The following GRM2 variants were observed in gnomAD, a reference collection of about 807,000 sequenced individuals.
The protein encoded by GRM2 is metabotropic glutamate receptor 2.
GRM2 carries 35 observed loss-of-function variants against 60.4 expected under a neutral mutation model. The ratio of observed to expected loss-of-function variants is 0.58; its 90% confidence interval spans 0.44 to 0.77. GRM2 has a LOEUF of 0.77. Among genes scored for constraint, GRM2 ranks in the 30% least tolerant of loss-of-function variants. The pLI is 0.00. For missense variants in GRM2, 925 were observed against 1,199.5 expected (o/e 0.77, Z 3.38); for synonymous variants, 437 against 484.1 (o/e 0.90, Z 1.28).
chr3:51,717,582 C>T lies in GRM2; in HGVS notation c.2365-55C>T. The T allele has an allele frequency of 1.4e-6, 2 of 1,456,928 alleles. No individual in the cohort carries two copies. Among genetic ancestry groups the T allele is most frequent in the South Asian group, 1.2e-5 (1 of 83,110 alleles). 90.3% of individuals were successfully genotyped at this position (1,456,928 alleles called of 1,614,324 possible). On this transcript the variant is annotated intron_variant, in intron 4 of 5. Transcript: ENST00000395052. The surrounding 1 kb of genome is among the most constrained non-coding windows in gnomAD (Gnocchi z 6.0). Reference sequence around the variant, plus strand: ...TCCCCCACAGATCAGGCAGGGGGTCCTGGGGTCAGGCCCAGGTCTTGACCT... The same window carrying T: ...TCCCCCACAGATCAGGCAGGGGGTCTTGGGGTCAGGCCCAGGTCTTGACCT...
intron 2 of GRM2, among the ~76,000 whole-genome samples, chr3:51,710,635 G>A (rs541017849): frequency 5.9e-4 from 89 of 151,636 alleles, no homozygotes; most frequent in South Asian, 1.3e-3. Flanking sequence ...AATATGTGTC[G>A]GGGGAGGGCA....
intron 2 of GRM2, among the ~76,000 whole-genome samples, chr3:51,709,801 ACCCACC>A (rs1325865367): frequency 3.1e-5 from 3 of 97,844 alleles, no homozygotes; most frequent in Admixed American, 1.2e-4. Flanking sequence ...CACACCCCAC[ACCCACC>A]CCCACACCCA....
rs932519258 is a variant in GRM2, at chr3:51,716,884, C to T, written c.2364+747C>T. ...TGCAGAAAAATTGAGGCGAAAGCCC[C>T]GGCAAAGGCCCCTTCCCCAGGACAG... On this transcript the variant is annotated intron_variant, in intron 4 of 5. Coordinates refer to ENST00000395052, the MANE Select transcript of GRM2 (RefSeq NM_000839.5). This position sits in a 1 kb window ranked among gnomAD's most constrained non-coding sequence, Gnocchi z 4.0. Among the ~76,000 whole-genome samples, 11 of 152,302 alleles carry T rather than the reference C, an allele frequency of 7.2e-5. No individual in the cohort carries two copies. The highest frequency in any genetic ancestry group is 2.1e-4 in the South Asian group (1 of 4,828).
rs764610362 is a variant in GRM2 at position 51,709,116 on chromosome 3, G to A, written c.133G>A (p.Gly45Ser). The change falls in exon 2 of 6, where the codon GGC becomes AGC. Residue 45 changes from glycine to serine, a missense_variant. By Grantham distance (56) the Gly-to-Ser change is moderately conservative. Coordinates refer to ENST00000395052, the MANE Select transcript of GRM2 (RefSeq NM_000839.5). The part of the protein sequence containing the change: ...GGLFPVHQKG[G>S]PAEDCGPVNE... ...GCTGTTCCCAGTGCACCAGAAGGGC[G>A]GCCCAGCAGAGGACTGTGGTCCTGT... The A allele has an allele frequency of 1.9e-5, 31 of 1,611,740 alleles. No individual in the cohort carries two copies. The Admixed American group carries it at 4.8e-4, about 25-fold the overall frequency.
Position 51,713,383 on chromosome 3 carries a change from A to G in GRM2, c.1288+73A>G, listed in dbSNP as rs1372072064. ...GAGGGGAAGCAGAACTTCAGCTTCC[A>G]TTCCTTTGCTAAGGAAACAGTAGAG... On this transcript the variant is annotated intron_variant, in intron 3 of 5. Coordinates refer to ENST00000395052, the MANE Select transcript of GRM2 (RefSeq NM_000839.5). The surrounding 1 kb of genome is among the most constrained non-coding windows in gnomAD (Gnocchi z 4.8). 3.8e-6 allele frequency: 4 copies of G among 1,052,500 alleles called. No homozygotes were observed. Among genetic ancestry groups the G allele is most frequent in the East Asian group, 5.1e-5 (2 of 38,870 alleles). 65.2% of individuals were successfully genotyped at this position (1,052,500 alleles called of 1,614,324 possible).
rs1373742101 is a variant in GRM2 at position 51,713,177 on chromosome 3, G to A, written c.1155G>A (p.Val385=). The change falls in exon 3 of 6, where the codon GTG becomes GTA. Residue 385 remains valine (V), a synonymous_variant. Coordinates refer to ENST00000395052, the MANE Select transcript of GRM2 (RefSeq NM_000839.5). The surrounding 1 kb of genome is among the most constrained non-coding windows in gnomAD (Gnocchi z 4.8). ...AGATCATGTTTGTGGTCAATGCAGT[G>A]TACGCCATGGCCCATGCGCTCCACA... is the stretch of plus-strand genomic sequence containing the variant. ...ESKIMFVVNA[V]YAMAHALHNM... 1.9e-6 allele frequency: 3 copies of A among 1,613,184 alleles called. No individual in the cohort carries two copies. Among genetic ancestry groups the A allele is most frequent in the South Asian group, 2.2e-5 (2 of 91,090 alleles).
rs1203110695 is a variant in GRM2 at position 51,712,377 on chromosome 3, G to C, written c.451-96G>C. 1.2e-6 allele frequency: 1 copy of C among 806,362 alleles called. No homozygotes were observed. Among genetic ancestry groups the C allele is most frequent in the East Asian group, 2.4e-5 (1 of 41,040 alleles). The allele number at this position is 806,362 out of a possible 1,614,324, so 50.0% of individuals were successfully genotyped here. On this transcript the variant is annotated intron_variant, in intron 2 of 5. Coordinates refer to ENST00000395052, the MANE Select transcript of GRM2 (RefSeq NM_000839.5). This position sits in a 1 kb window ranked among gnomAD's most constrained non-coding sequence, Gnocchi z 5.3. ...GGGAGCCTTTAGGCCTGACCTTGTG[G>C]ACACTTGACACCAAGACCTGCTAGC...
chr3:51,715,799 C>T lies in GRM2; in HGVS notation c.2026C>T (p.Pro676Ser), dbSNP rs759925615. 6.2e-7 allele frequency: 1 copy of T among 1,613,762 alleles called. No homozygotes were observed. Among genetic ancestry groups the T allele is most frequent in the Non-Finnish European group, 8.5e-7 (1 of 1,179,962 alleles). Reference protein sequence around the residue: ...EGAQRPRFISPASQVAICLAL... With the variant: ...EGAQRPRFISSASQVAICLAL... ...TGCCCAGCGGCCACGCTTCATCAGT[C>T]CTGCCTCACAGGTGGCCATCTGCCT... The change falls in exon 4 of 6, where the codon CCT becomes TCT. Residue 676 changes from proline (P) to serine (S), a missense_variant. Transcript: ENST00000395052. This position sits in a 1 kb window ranked among gnomAD's most constrained non-coding sequence, Gnocchi z 9.0.
intron 2 of GRM2, among the ~76,000 whole-genome samples, chr3:51,709,845 A>T (rs1042305435): frequency 2.4e-5 from 1 of 41,972 alleles, no homozygotes; most frequent in Non-Finnish European, 4.5e-5. Flanking sequence ...ACACACCCTC[A>T]CACACACACA....
In GRM2 at chr3:51,709,114, G is replaced by A; in HGVS notation, c.131G>A (p.Gly44Asp). 1 of 1,611,830 alleles carries A rather than the reference G, an allele frequency of 6.2e-7. No homozygotes were observed. Among genetic ancestry groups the A allele is most frequent in the Non-Finnish European group, 8.5e-7 (1 of 1,178,850 alleles). ...GGGCTGTTCCCAGTGCACCAGAAGG[G>A]CGGCCCAGCAGAGGACTGTGGTCCT... ...LGGLFPVHQK[G>D]GPAEDCGPVN... Residue 44 changes from glycine to aspartate, a missense_variant, in exon 2 of 6, where the codon GGC becomes GAC. Transcript: ENST00000395052.
chr3:51,708,945 G>T lies in GRM2; in HGVS notation c.-39G>T. 1 of 1,461,996 alleles carries T rather than the reference G, an allele frequency of 6.8e-7. No individual in the cohort carries two copies. The highest frequency in any genetic ancestry group is 1.3e-5 in the South Asian group (1 of 75,014). 90.6% of individuals were successfully genotyped at this position (1,461,996 alleles called of 1,614,324 possible). A position where few individuals can be genotyped will look rare whatever the true frequency, so the allele number is the denominator to read the frequency against. ...GCTGCTTCTAATCTCATCCCCTGGAGACCCAGGTCTGCGGGACCCATCCAT... is the reference window on the plus strand; with the variant it reads ...GCTGCTTCTAATCTCATCCCCTGGATACCCAGGTCTGCGGGACCCATCCAT... On this transcript the variant is annotated 5_prime_UTR_variant, in exon 2 of 6. Transcript: ENST00000395052.
chr3:51,718,094 G>C lies in GRM2; in HGVS notation c.2601G>C (p.Ser867=). 6.2e-7 allele frequency: 1 copy of C among 1,614,078 alleles called. No homozygotes were observed. Residue 867 remains serine, a synonymous_variant, in exon 6 of 6, where the codon TCG becomes TCC. Coordinates refer to ENST00000395052, the MANE Select transcript of GRM2 (RefSeq NM_000839.5). This position sits in a 1 kb window ranked among gnomAD's most constrained non-coding sequence, Gnocchi z 4.2. ...GCAATGGCCGTGAGGTGGTGGACTC[G>C]ACAACGTCATCGCTTTGAAGACCCC... ...TVCNGREVVD[S]TTSSL is the part of the protein sequence containing the mutation.
In GRM2 at chr3:51,712,793, G is replaced by C. The variant is rs764260808; in HGVS notation, c.771G>C (p.Leu257=). The C allele has an allele frequency of 2.5e-6, 4 of 1,613,042 alleles. No individual in the cohort carries two copies. ...CCTTTGAGGGTGTGGTGCGAGCCCT[G>C]CTGCAGAAGCCCAGTGCCCGCGTGG... is the stretch of plus-strand genomic sequence containing the variant. ...RAAFEGVVRA[L]LQKPSARVAV... is the part of the protein sequence containing the mutation. The change falls in exon 3 of 6, where the codon CTG becomes CTC. Residue 257 remains leucine (L), a synonymous_variant. Coordinates refer to ENST00000395052, the MANE Select transcript of GRM2 (RefSeq NM_000839.5). The surrounding 1 kb of genome is among the most constrained non-coding windows in gnomAD (Gnocchi z 5.3).
At chr3:51,708,763 C>G (rs929584303) in intron 1 of GRM2, 85 bp from the exon 2 acceptor site, 1 of 506,314 alleles carries the variant, frequency 2.0e-6, no homozygotes, top group South Asian at 3.5e-5. Flanking sequence ...GAAAGGGGCT[C>G]GTGGGGAGGC....
In GRM2 at chr3:51,713,602, A is replaced by C; in HGVS notation, c.1288+292A>C. On this transcript the variant is annotated intron_variant, in intron 3 of 5. Coordinates refer to ENST00000395052, the MANE Select transcript of GRM2 (RefSeq NM_000839.5). This position sits in a 1 kb window ranked among gnomAD's most constrained non-coding sequence, Gnocchi z 4.8. ...CTGTCTTCTGTCTCCTTATCTTGCCAAAGGTGGAGACCAGGAGACCTCAAG... is the reference window on the plus strand; with the variant it reads ...CTGTCTTCTGTCTCCTTATCTTGCCCAAGGTGGAGACCAGGAGACCTCAAG... 2.4e-6 allele frequency: 1 copy of C among 418,552 alleles called. No homozygotes were observed. The highest frequency in any genetic ancestry group is 4.3e-6 in the Non-Finnish European group (1 of 232,888). The allele number at this position is 418,552 out of a possible 1,614,324, so 25.9% of individuals were successfully genotyped here.
At chr3:51,710,925 C>A (rs916532654) in intron 2 of GRM2, among the ~76,000 whole-genome samples, 5 of 152,250 alleles carry the variant, frequency 3.3e-5, no homozygotes, top group African/African-American at 1.2e-4. Flanking sequence ...GAGCTAGAAT[C>A]AGGGCTGGGG....
In GRM2 at chr3:51,717,362, C is replaced by T. The variant is rs191292077; in HGVS notation, c.2365-275C>T. Among the ~76,000 whole-genome samples, 1 of 152,288 alleles carries T rather than the reference C, an allele frequency of 6.6e-6. No individual in the cohort carries two copies. Among genetic ancestry groups the T allele is most frequent in the East Asian group, 1.9e-4 (1 of 5,184 alleles). ...ACACCTACATGCACGCACTCCATTC[C>T]TGCAGCCCCCAGATGCACACACCCC... On this transcript the variant is annotated intron_variant, in intron 4 of 5. Coordinates refer to ENST00000395052, the MANE Select transcript of GRM2 (RefSeq NM_000839.5). The surrounding 1 kb of genome is among the most constrained non-coding windows in gnomAD (Gnocchi z 6.0).
In GRM2 at chr3:51,707,099, G is replaced by T. The variant is rs1345938202; in HGVS notation, c.-205G>T. 2 of 152,532 alleles carry T rather than the reference G, an allele frequency of 1.3e-5. No homozygotes were observed. The highest frequency in any genetic ancestry group is 1.9e-4 in the South Asian group (1 of 5,294). The allele number at this position is 152,532 out of a possible 1,614,324, so 9.4% of individuals were successfully genotyped here. On this transcript the variant is annotated 5_prime_UTR_variant, in exon 1 of 6. Coordinates refer to ENST00000395052, the MANE Select transcript of GRM2 (RefSeq NM_000839.5). ...AGAGCCAGCGAGCCAGCGAGCGAGC[G>T]AGCGGGAGCCGGAGCCTCGCGCCCC...
chr3:51,711,671 A>C (rs1042729918), intron 2 of GRM2: 1 of 152,330 alleles, frequency 6.6e-6, no homozygotes, highest in African/African-American at 2.4e-5. Flanking sequence ...GTAGGGCAGG[A>C]ATGTGAAACT....
Sources: allele counts gnomAD v4.1 joint callset (sites outside exome capture counted in the v4.1 genomes callset), GRCh38; gene constraint gnomAD v4.1.1; non-coding constraint Gnocchi (gnomAD v3.1); transcripts MANE v1.5; gene names NCBI Gene and HGNC (gene_info 2026-07-23, HGNC 2026-07-21).